Variants in DENND1A observed in about 807,000 individuals in gnomAD.
DENND1A encodes DENN domain-containing protein 1A.
In DENND1A, 51 loss-of-function variants were observed where a neutral mutation model predicts 113.7. That is an observed-to-expected ratio of 0.45 (90% CI 0.36 to 0.57). DENND1A has a LOEUF of 0.57. Ranked by LOEUF, DENND1A falls within the 20% of genes least tolerant of loss-of-function variation. The probability of loss-of-function intolerance (pLI) is 0.00; values close to 1 mark genes in which losing one functional copy is unlikely to be tolerated. For synonymous variants in DENND1A, 565 were observed against 570.8 expected (o/e 0.99, Z 0.14); for missense variants, 1,258 against 1,395.9 (o/e 0.90, Z 1.57).
intron 1 of DENND1A, chr9:123,928,965 A>G: frequency 3.2e-6 from 3 of 928,242 alleles, no homozygotes; most frequent in Non-Finnish European, 1.3e-6. Context: ...GAAAAAGTGA[A>G]CATTTGTTAG....
At chr9:123,569,071 C>G (rs78052580) in intron 12 of DENND1A, among the ~76,000 whole-genome samples, 5 of 152,094 alleles carry the variant, frequency 3.3e-5, no homozygotes, top group Non-Finnish European at 5.9e-5. Flanking sequence ...GGATTACAAA[C>G]GAACGAAAAA....
intron 3 of DENND1A, among the ~76,000 whole-genome samples, chr9:123,785,508 A>G (rs1051291981): frequency 6.6e-6 from 1 of 152,152 alleles, no homozygotes; most frequent in African/African-American, 2.4e-5. Context: ...TTACCTATCT[A>G]TGAACCTATA....
At chr9:123,889,539 T>C (rs996254647) in intron 1 of DENND1A, among the ~76,000 whole-genome samples, 2 of 152,010 alleles carry the variant, frequency 1.3e-5, no homozygotes, top group Non-Finnish European at 2.9e-5. Flanking sequence ...AATAGAAACA[T>C]TAGTCTAGGC....
intron 9 of DENND1A, among the ~76,000 whole-genome samples, chr9:123,643,465 AT>A (rs2062135900): frequency 1.3e-5 from 2 of 152,322 alleles, no homozygotes; most frequent in South Asian, 4.1e-4. Flanking sequence ...AGTTGTCCAA[AT>A]TTCTTTCAGT....
intron 1 of DENND1A, among the ~76,000 whole-genome samples, chr9:123,889,092 A>T (rs2133737824): frequency 6.6e-6 from 1 of 152,196 alleles, no homozygotes; most frequent in Middle Eastern, 3.4e-3. Context: ...CATTCATTAA[A>T]TACCAATTTC....
At chr9:123,688,424 G>A (rs553952672) in intron 5 of DENND1A, among the ~76,000 whole-genome samples, 1 of 152,136 alleles carries the variant, frequency 6.6e-6, no homozygotes, top group Non-Finnish European at 1.5e-5. Flanking sequence ...ATATATATAA[G>A]TCAGGCACTG....
At chr9:123,465,120 G>A (rs901425437) in intron 13 of DENND1A, among the ~76,000 whole-genome samples, 2 of 151,174 alleles carry the variant, frequency 1.3e-5, no homozygotes, top group Non-Finnish European at 2.9e-5. Context: ...GGTGGAGGTT[G>A]CAGTGAGCCA....
At chr9:123,431,470 G>A (rs1010913350) in intron 19 of DENND1A, among the ~76,000 whole-genome samples, 1 of 152,214 alleles carries the variant, frequency 6.6e-6, no homozygotes, top group Non-Finnish European at 1.5e-5. Context: ...CCAGGTGGCT[G>A]CACTGGCCCT....
chr9:123,846,225 C>T (rs902862785), intron 2 of DENND1A, among the ~76,000 whole-genome samples: 1 of 152,144 alleles, frequency 6.6e-6, no homozygotes, highest in Non-Finnish European at 1.5e-5. Flanking sequence ...GAAACTGGAA[C>T]CTTACACATT....
chr9:123,422,434 C>A lies in DENND1A; in HGVS notation c.1489-10605G>T. On this transcript the variant is annotated intron_variant, in intron 19 of 23. Coordinates refer to ENST00000394215, the MANE Select transcript of DENND1A (RefSeq NM_001352964.2). The surrounding 1 kb of genome is among the most constrained non-coding windows in gnomAD (Gnocchi z 4.8). ...ATGCAAACGTGGAAGCAATGGGAAG[C>A]TTAGATATGAAATATCCCAAAATTT... is the stretch of plus-strand genomic sequence containing the variant. Among the ~76,000 whole-genome samples the A allele has an allele frequency of 6.6e-6, 1 of 152,008 alleles. No homozygotes were observed. The highest frequency in any genetic ancestry group is 1.5e-5 in the Non-Finnish European group (1 of 68,026).
At chr9:123,760,352 T>C (rs1230344716) in intron 4 of DENND1A, among the ~76,000 whole-genome samples, 4 of 152,204 alleles carry the variant, frequency 2.6e-5, no homozygotes, top group Non-Finnish European at 5.9e-5. Context: ...TTTCAAGGTA[T>C]TCCAATACAA....
At chr9:123,558,992 T>G (rs992135134) in intron 12 of DENND1A, among the ~76,000 whole-genome samples, 2 of 152,194 alleles carry the variant, frequency 1.3e-5, no homozygotes, top group African/African-American at 4.8e-5. Flanking sequence ...ATTGCTACTG[T>G]GACGAGCCTG....
rs1031645314 is a variant in DENND1A at position 123,454,627 on chromosome 9, CCAG to C, written c.1227+109_1227+111del. ...CCTGGCTTTACAAACAAAGGCATCT[CCAG>C]CAGAGAGAATGGAGTGCTCCAGGAT... On this transcript the variant is annotated intron_variant, in intron 16 of 23. Transcript: ENST00000394215. 3.7e-5 allele frequency: 41 copies of C among 1,102,954 alleles called. No individual in the cohort carries two copies. In the African/African-American group the frequency reaches 3.7e-4, roughly 10 times the overall value. 68.3% of individuals were successfully genotyped at this position (1,102,954 alleles called of 1,614,324 possible).
chr9:123,922,807 A>C (rs1449766705), intron 1 of DENND1A, among the ~76,000 whole-genome samples: 1 of 152,236 alleles, frequency 6.6e-6, no homozygotes, highest in Non-Finnish European at 1.5e-5. Flanking sequence ...AACACATTCT[A>C]AATGTCATAA....
At position 123,779,067 on chromosome 9, in the gene DENND1A, T is replaced by C. The variant is rs1030806078; in HGVS notation, c.133-9504A>G. ...AGAGACAATTCTTAGATCAATATAG[T>C]TCATTTCTATAGGTAAGGTCCATGG... On this transcript the variant is annotated intron_variant, in intron 3 of 23. Coordinates refer to ENST00000394215, the MANE Select transcript of DENND1A (RefSeq NM_001352964.2). 8.5e-5 allele frequency among the ~76,000 whole-genome samples: 13 copies of C among 152,204 alleles called. 1 individual carries two copies. The highest frequency in any genetic ancestry group is 7.9e-4 in the Admixed American group (12 of 15,270).
chr9:123,708,208 C>A (rs1408832163), intron 5 of DENND1A, among the ~76,000 whole-genome samples: 1 of 151,968 alleles, frequency 6.6e-6, no homozygotes, highest in Non-Finnish European at 1.5e-5. Context: ...GGTTTGAATG[C>A]GAATGGTCAT....
chr9:123,897,120 C>T (rs1056055329), intron 1 of DENND1A, among the ~76,000 whole-genome samples: 3 of 152,216 alleles, frequency 2.0e-5, no homozygotes, highest in African/African-American at 7.2e-5. Context: ...TCCACCCTGT[C>T]TCTCCACAAC....
chr9:123,516,453 A>G (rs539730610), intron 13 of DENND1A, among the ~76,000 whole-genome samples: 29 of 152,352 alleles, frequency 1.9e-4, no homozygotes, highest in Middle Eastern at 6.8e-3. Flanking sequence ...ATAAACATGA[A>G]TAACAGTTCA....
At chr9:123,524,595 A>G (rs1310585955) in intron 13 of DENND1A, among the ~76,000 whole-genome samples, 1 of 152,214 alleles carries the variant, frequency 6.6e-6, no homozygotes, top group Non-Finnish European at 1.5e-5. Context: ...TAAGGGCTGA[A>G]TTTGCTGAAT....
Sources: gnomAD v4.1 joint callset for allele counts (sites outside exome capture counted in the v4.1 genomes callset) on GRCh38, gnomAD v4.1.1 for gene constraint, Gnocchi (gnomAD v3.1) non-coding constraint, MANE v1.5 for transcripts, NCBI Gene and HGNC (gene_info 2026-07-23, HGNC 2026-07-21) for gene names.